The following ELFN2 variants were observed in gnomAD, a reference collection of about 807,000 sequenced individuals.
ELFN2 encodes extracellular leucine rich repeat and fibronectin type III domain containing 2.
A neutral mutation model predicts 45.5 loss-of-function variants in ELFN2; 17 were observed. The ratio of observed to expected loss-of-function variants is 0.37; its 90% confidence interval spans 0.26 to 0.56. The LOEUF is 0.56. Ranked by LOEUF, ELFN2 falls within the 20% of genes least tolerant of loss-of-function variation. The probability of loss-of-function intolerance (pLI) is 0.77; values close to 1 mark genes in which losing one functional copy is unlikely to be tolerated. For synonymous variants in ELFN2, 550 were observed against 551.5 expected, an observed-to-expected ratio of 1.00 and a Z score of 0.04; for missense variants, 922 against 1,183.2, an observed-to-expected ratio of 0.78 and a Z score of 3.24.
chr22:37,404,083 G>T (rs1932436608), intron 2 of ELFN2, among the ~76,000 whole-genome samples: 2 of 152,198 alleles, frequency 1.3e-5, no homozygotes, highest in African/African-American at 2.4e-5. Flanking sequence ...CTGGAACAAG[G>T]TCAGGAGAAC....
At chr22:37,419,830 C>A (rs574004379) in intron 1 of ELFN2, among the ~76,000 whole-genome samples, 1 of 152,258 alleles carries the variant, frequency 6.6e-6, no homozygotes, top group South Asian at 2.1e-4. Context: ...CCACACCCAC[C>A]CGGCACACAC....
intron 1 of ELFN2, among the ~76,000 whole-genome samples, chr22:37,420,005 T>C (rs951473066): frequency 2.6e-5 from 4 of 152,122 alleles, no homozygotes; most frequent in African/African-American, 9.7e-5. Context: ...CGTCAGGGGC[T>C]GCGGCTGCAA....
intron 1 of ELFN2, among the ~76,000 whole-genome samples, chr22:37,352,898 G>A (rs979111858): frequency 2.0e-5 from 3 of 150,994 alleles, no homozygotes; most frequent in Admixed American, 1.3e-4. Context: ...GCTGGGCACA[G>A]GTCGGGGTGG....
At chr22:37,348,191 T>A (rs4821635) in intron 1 of ELFN2, among the ~76,000 whole-genome samples, 68,459 of 151,842 alleles carry the variant, frequency 0.45, 15,773 homozygotes, top group Middle Eastern at 0.53. Context: ...ACACGTGCGC[T>A]CATGTATGAG....
intron 2 of ELFN2, among the ~76,000 whole-genome samples, chr22:37,389,885 C>T (rs1047461957): frequency 2.6e-5 from 4 of 152,176 alleles, no homozygotes; most frequent in African/African-American, 7.2e-5. Flanking sequence ...GCGCTCAGGG[C>T]GGCCAGTCGT....
At chr22:37,363,903 G>A (rs919543054), downstream of ELFN2, among the ~76,000 whole-genome samples, 10 of 152,188 alleles carry the variant, frequency 6.6e-5, no homozygotes, top group African/African-American at 2.4e-4. Context: ...GGCCAGAACC[G>A]TCACCTCCAA....
intron 2 of ELFN2, among the ~76,000 whole-genome samples, chr22:37,388,359 A>ACTG (rs1601755444): frequency 6.6e-6 from 1 of 152,110 alleles, no homozygotes; most frequent in East Asian, 1.9e-4. Context: ...CGGAATCATA[A>ACTG]CTGCTGCTGC....
At position 37,374,358 on chromosome 22, in the gene ELFN2, TGGA is replaced by T. The variant is rs765550582; in HGVS notation, c.1174_1176del (p.Ser392del). 2.6e-4 allele frequency: 418 copies of T among 1,613,828 alleles called. No individual in the cohort carries two copies. The highest frequency in any genetic ancestry group is 3.3e-4 in the Non-Finnish European group (389 of 1,179,996). ...ATGGTCATGATGTAGTGGGTGGTGG[TGGA>T]GGTGCTGGGCGCCAAGTCTCCGGGG... On this transcript the variant is annotated inframe_deletion, in exon 3 of 3. Transcript: ENST00000402918.
At chr22:37,404,305 G>A (rs550910754) in intron 2 of ELFN2, among the ~76,000 whole-genome samples, 3 of 152,314 alleles carry the variant, frequency 2.0e-5, no homozygotes, top group African/African-American at 7.2e-5. Context: ...GACGGGCCTG[G>A]AGGGTGACTT....
intron 2 of ELFN2, among the ~76,000 whole-genome samples, chr22:37,397,805 G>A (rs568181385): frequency 3.9e-5 from 6 of 152,116 alleles, no homozygotes; most frequent in African/African-American, 7.2e-5. Context: ...ACGAGCTACC[G>A]GGCTGGGCAT....
At chr22:37,389,065 G>A (rs1330840900) in intron 2 of ELFN2, among the ~76,000 whole-genome samples, 11 of 152,168 alleles carry the variant, frequency 7.2e-5, no homozygotes, top group African/African-American at 1.2e-4. Flanking sequence ...AGAGCTTGGC[G>A]TCCTCCTCTG....
chr22:37,341,517 C>T lies in ELFN2; in HGVS notation n.252-548G>A, dbSNP rs137926460. On this transcript the variant is annotated intron_variant and non_coding_transcript_variant, in intron 2 of 2. Transcript: ENST00000452946. The stretch of plus-strand genomic sequence containing the variant: ...CCTGCTCTGTCACTGGTGTGCTGTG[C>T]GGCCCTGGGCAAGCCACTTTCCCTC... Among the ~76,000 whole-genome samples the T allele has an allele frequency of 2.6e-3, 402 of 152,274 alleles. 2 individuals are homozygous for T. Among genetic ancestry groups the T allele is most frequent in the Middle Eastern group, 0.01 (3 of 294 alleles).
intron 2 of ELFN2, among the ~76,000 whole-genome samples, chr22:37,403,032 G>A (rs1932404030): frequency 6.6e-6 from 1 of 152,038 alleles, no homozygotes; most frequent in Admixed American, 6.5e-5. Flanking sequence ...GCCCCCTCCT[G>A]CTGGCATCGA....
At chr22:37,401,689 G>C (rs111745070) in intron 2 of ELFN2, among the ~76,000 whole-genome samples, 2 of 152,174 alleles carry the variant, frequency 1.3e-5, no homozygotes, top group African/African-American at 4.8e-5. Context: ...TAGGAGGCGC[G>C]TGAGGTTTCC....
chr22:37,384,928 T>C (rs1258895253), intron 2 of ELFN2: 2 of 152,026 alleles, frequency 1.3e-5, no homozygotes. Flanking sequence ...CATTCATTCA[T>C]TCAATAAACA....
intron 2 of ELFN2, among the ~76,000 whole-genome samples, chr22:37,407,574 T>C (rs1366385108): frequency 6.6e-6 from 1 of 152,064 alleles, no homozygotes; most frequent in Non-Finnish European, 1.5e-5. Flanking sequence ...CCACCACAGG[T>C]AGGGCTTATG....
intron 2 of ELFN2, among the ~76,000 whole-genome samples, chr22:37,388,533 T>A (rs989331836): frequency 6.6e-6 from 1 of 152,234 alleles, no homozygotes; most frequent in African/African-American, 2.4e-5. Context: ...ACACAGTTCA[T>A]GCAAAAGACA....
At chr22:37,383,689 T>G (rs150559133) in intron 2 of ELFN2, among the ~76,000 whole-genome samples, 1 of 152,248 alleles carries the variant, frequency 6.6e-6, no homozygotes, top group Non-Finnish European at 1.5e-5. Context: ...GCGTTCCACA[T>G]GTATTCCCTG....
chr22:37,361,444 G>A (rs995800173), intron 1 of ELFN2, among the ~76,000 whole-genome samples: 4 of 150,838 alleles, frequency 2.7e-5, no homozygotes, highest in African/African-American at 9.8e-5. Context: ...CCCAAGTGAC[G>A]CCATCTCCCC....
Sources: allele counts gnomAD v4.1 joint callset (sites outside exome capture counted in the v4.1 genomes callset), GRCh38; gene constraint gnomAD v4.1.1; transcripts MANE v1.5; gene names NCBI Gene and HGNC (gene_info 2026-07-23, HGNC 2026-07-21).